The following HERC3 variants were observed in gnomAD, a reference collection of about 807,000 sequenced individuals.
HERC3 encodes probable E3 ubiquitin-protein ligase HERC3.
In HERC3, 58 loss-of-function variants were observed where a neutral mutation model predicts 129.9. The observed-to-expected ratio is 0.45, with a 90% confidence interval of 0.36 to 0.56. HERC3 has a LOEUF of 0.56. Ranked by LOEUF, HERC3 falls within the 20% of genes least tolerant of loss-of-function variation. The pLI is 0.00. For synonymous variants in HERC3, 430 were observed against 451.0 expected, an observed-to-expected ratio of 0.95 and a Z score of 0.59; for missense variants, 835 against 1,244.2, an observed-to-expected ratio of 0.67 and a Z score of 4.95.
At chr4:88,559,051 A>G in the HERC3 span, among the ~76,000 whole-genome samples, 317 of 152,232 alleles carry the variant, frequency 2.1e-3, 7 homozygotes, top group South Asian at 0.039. Flanking sequence ...TATATAACAT[A>G]TTATGGAATA....
chr4:88,638,840 C>T (rs897688804), intron 3 of HERC3, among the ~76,000 whole-genome samples: 7 of 152,126 alleles, frequency 4.6e-5, no homozygotes, highest in East Asian at 1.9e-4. Flanking sequence ...ATTTAGAAAA[C>T]GCCATCATCT....
intron 12 of HERC3, among the ~76,000 whole-genome samples, chr4:88,665,438 G>T (rs966700252): frequency 1.3e-5 from 2 of 152,222 alleles, no homozygotes; most frequent in Non-Finnish European, 2.9e-5. Context: ...TACAAGGGCA[G>T]GAGAAGAAGG....
At chr4:88,590,419 C>A (rs1028328551), upstream of HERC3, among the ~76,000 whole-genome samples, 27 of 151,370 alleles carry the variant, frequency 1.8e-4, no homozygotes, top group African/African-American at 5.8e-4. Context: ...ATTAGCCGGG[C>A]GTTGTGGTGG....
chr4:88,574,767 G>A, the HERC3 span, among the ~76,000 whole-genome samples: 6,167 of 152,190 alleles, frequency 0.041, 396 homozygotes, highest in African/African-American at 0.14. Flanking sequence ...TTCGAAGGCC[G>A]AATATTCCAT....
chr4:88,548,272 A>T, the HERC3 span, among the ~76,000 whole-genome samples: 1 of 152,200 alleles, frequency 6.6e-6, no homozygotes, highest in South Asian at 2.1e-4. Context: ...AGAAATTTCC[A>T]GACTGTTTTC....
In HERC3 at chr4:88,695,019, T is replaced by TC. The variant is rs1298379305; in HGVS notation, c.2657+7721dup. Among the ~76,000 whole-genome samples, 8 of 152,304 alleles carry TC rather than the reference T, an allele frequency of 5.3e-5. No homozygotes were observed. In the South Asian group the frequency reaches 1.2e-3, roughly 24 times the overall value. On this transcript the variant is annotated intron_variant, in intron 23 of 25. Transcript: ENST00000402738. ...AATACTTATGCCTCTTAGTTGTGTT[T>TC]CAATCGTTTTTGCTTTTTACTGGAA...
At chr4:88,674,316 G>T (rs866791440) in intron 16 of HERC3, among the ~76,000 whole-genome samples, 1 of 152,120 alleles carries the variant, frequency 6.6e-6, no homozygotes, top group African/African-American at 2.4e-5. Context: ...ACTGCTGATT[G>T]ATGTCTGAAA....
At chr4:88,540,300 C>T in the HERC3 span, among the ~76,000 whole-genome samples, 23 of 152,054 alleles carry the variant, frequency 1.5e-4, no homozygotes, top group Non-Finnish European at 3.1e-4. Context: ...GTGACACACA[C>T]AACAAGCTTC....
chr4:88,552,050 C>T, the HERC3 span, among the ~76,000 whole-genome samples: 7 of 150,728 alleles, frequency 4.6e-5, no homozygotes, highest in African/African-American at 1.5e-4. Context: ...AACCAAATAC[C>T]GCATGTTCTC....
chr4:88,552,312 T>C, the HERC3 span, among the ~76,000 whole-genome samples: 1 of 152,100 alleles, frequency 6.6e-6, no homozygotes, highest in East Asian at 1.9e-4. Flanking sequence ...TTTCCTCTGC[T>C]CTTTGTGTCT....
At chr4:88,699,334 G>GCTTCTCCTCCACCCACCCACC (rs1320555663) in intron 23 of HERC3, among the ~76,000 whole-genome samples, 1 of 16,632 alleles carries the variant, frequency 6.0e-5, no homozygotes, top group Non-Finnish European at 9.2e-5. Flanking sequence ...ACCCACCCAC[G>GCTTCTCCTCCACCCACCCACC]CAGCCCCACC....
the HERC3 span, among the ~76,000 whole-genome samples, chr4:88,550,725 A>C: frequency 8.7e-5 from 13 of 149,604 alleles, no homozygotes; most frequent in East Asian, 7.9e-4. Flanking sequence ...TAATTTATAG[A>C]TTCAATGCCA....
intron 3 of HERC3, among the ~76,000 whole-genome samples, chr4:88,644,616 A>G (rs1354626204): frequency 6.6e-6 from 1 of 152,194 alleles, no homozygotes; most frequent in African/African-American, 2.4e-5. Flanking sequence ...GAGAGGATGC[A>G]ACTATAAGGA....
the HERC3 span, among the ~76,000 whole-genome samples, chr4:88,533,616 C>G: frequency 6.4e-4 from 98 of 152,278 alleles, no homozygotes; most frequent in African/African-American, 2.2e-3. Context: ...ATGCCAAAAG[C>G]CTTTGTAATT....
At position 88,652,795 on chromosome 4, in the gene HERC3, C is replaced by T. The variant is rs371824459; in HGVS notation, c.464-74C>T. The T allele has an allele frequency of 1.9e-5, 27 of 1,452,090 alleles. No individual in the cohort carries two copies. The East Asian group carries it at 3.9e-4, about 21-fold the overall frequency. The allele number at this position is 1,452,090 out of a possible 1,614,324, so 90.0% of individuals were successfully genotyped here. Reference sequence around the variant, plus strand: ...TGTTGGGGGGCAACTGGCAAATGACCCTAATAACTAGATTATTTTTGTGTG... The same window carrying T: ...TGTTGGGGGGCAACTGGCAAATGACTCTAATAACTAGATTATTTTTGTGTG... On this transcript the variant is annotated intron_variant, in intron 5 of 25. Coordinates refer to ENST00000402738, the MANE Select transcript of HERC3 (RefSeq NM_014606.3).
chr4:88,595,118 A>G (rs958947351), intron 1 of HERC3, among the ~76,000 whole-genome samples: 16 of 151,350 alleles, frequency 1.1e-4, no homozygotes, highest in Non-Finnish European at 2.1e-4. Flanking sequence ...AAAAAAAAAA[A>G]AAAAAGAAAA....
intron 3 of HERC3, among the ~76,000 whole-genome samples, chr4:88,631,934 C>A (rs1726813107): frequency 6.6e-6 from 1 of 152,196 alleles, no homozygotes. Context: ...TTTGATAACT[C>A]TGAAAAACAA....
At chr4:88,569,630 G>T in the HERC3 span, among the ~76,000 whole-genome samples, 1 of 152,130 alleles carries the variant, frequency 6.6e-6, no homozygotes, top group East Asian at 1.9e-4. Context: ...AGTTATTCTT[G>T]TTAATTTGCC....
chr4:88,695,198 G>T (rs1314866984), intron 23 of HERC3, among the ~76,000 whole-genome samples: 3 of 151,998 alleles, frequency 2.0e-5, no homozygotes, highest in Admixed American at 2.0e-4. Context: ...TCTTTTGGTT[G>T]GCCTGAGCAT....
Sources: allele counts gnomAD v4.1 joint callset (sites outside exome capture counted in the v4.1 genomes callset), GRCh38; gene constraint gnomAD v4.1.1; transcripts MANE v1.5; gene names NCBI Gene and HGNC (gene_info 2026-07-23, HGNC 2026-07-21).